The following ABCA1 variants were observed in gnomAD, a reference collection of about 807,000 sequenced individuals.
The protein encoded by ABCA1 is ATP binding cassette subfamily A member 1.
A neutral mutation model predicts 262.5 loss-of-function variants in ABCA1; 133 were observed. That is an observed-to-expected ratio of 0.51 (90% CI 0.44 to 0.59). ABCA1 has a LOEUF of 0.59. Ranked by LOEUF, ABCA1 falls within the 20% of genes least tolerant of loss-of-function variation. The probability of loss-of-function intolerance (pLI) is 0.00; values close to 1 mark genes in which losing one functional copy is unlikely to be tolerated. For synonymous variants in ABCA1, 1,022 were observed against 1,043.5 expected (o/e 0.98, Z 0.40); for missense variants, 2,452 against 2,777.5 (o/e 0.88, Z 2.63).
intron 5 of ABCA1, among the ~76,000 whole-genome samples, chr9:104,862,649 CGGGCCGGGCCG>C (rs1836587023): frequency 8.6e-5 from 1 of 11,694 alleles, no homozygotes; most frequent in Non-Finnish European, 1.8e-4. Context: ...CGGGCCGGGC[CGGGCCGGGCCG>C]GGCCGGGCCG....
chr9:104,879,652 T>G (rs1838455384), intron 5 of ABCA1, among the ~76,000 whole-genome samples: 1 of 152,220 alleles, frequency 6.6e-6, no homozygotes, highest in South Asian at 2.1e-4. Context: ...AACTTGCAAT[T>G]CTGCCTATTT....
rs1836625778 is a variant in ABCA1, at chr9:104,862,659, C to CAGGGCA, written c.422-860_422-859insTGCCCT. ...CGGGCCGGGCCGGGCCGGGCCGGGC[C>CAGGGCA]GGGCCGGGCCGGGCCGGGCCGGGCC... On this transcript the variant is annotated intron_variant, in intron 5 of 49. Transcript: ENST00000374736. Among the ~76,000 whole-genome samples the CAGGGCA allele has an allele frequency of 5.2e-3, 51 of 9,848 alleles. 12 individuals are homozygous for CAGGGCA. Among genetic ancestry groups the CAGGGCA allele is most frequent in the African/African-American group, 0.014 (46 of 3,218 alleles). The allele number at this position is 9,848 out of a possible 152,430, so 6.5% of individuals were successfully genotyped here.
At chr9:104,818,965 A>G in intron 22 of ABCA1, 82 bp from the exon 23 acceptor site, 2 of 1,328,750 alleles carry the variant, frequency 1.5e-6, no homozygotes, top group South Asian at 1.3e-5. Context: ...CTAGAGAGAT[A>G]TTAGCAGGGG....
intron 26 of ABCA1, 98 bp from the exon 27 acceptor site, chr9:104,814,329 A>G (rs1459212863): frequency 6.4e-7 from 1 of 1,558,302 alleles, no homozygotes; most frequent in Non-Finnish European, 8.8e-7. Context: ...ATGAGAATGC[A>G]ATAGAACAAT....
intron 27 of ABCA1, 27 bp downstream of exon 27, chr9:104,814,091 A>G: frequency 6.3e-7 from 1 of 1,583,456 alleles, no homozygotes; most frequent in Non-Finnish European, 8.7e-7. Flanking sequence ...AAACAGTAGG[A>G]CACTGTTTGA....
At chr9:104,923,979 T>C (rs1387217950) in intron 1 of ABCA1, among the ~76,000 whole-genome samples, 1 of 152,126 alleles carries the variant, frequency 6.6e-6, no homozygotes, top group East Asian at 1.9e-4. Flanking sequence ...GAGGCTGAGG[T>C]TGCAGTGAGC....
At chr9:104,890,590 C>CAA (rs775053779) in intron 2 of ABCA1, among the ~76,000 whole-genome samples, 3 of 138,756 alleles carry the variant, frequency 2.2e-5, no homozygotes, top group African/African-American at 7.9e-5. Context: ...CAAAAACAAA[C>CAA]AAAAAAAAAA....
At chr9:104,816,398 G>A in intron 24 of ABCA1, 53 bp from the exon 25 acceptor site, 3 of 1,570,144 alleles carry the variant, frequency 1.9e-6, no homozygotes, top group Non-Finnish European at 2.6e-6. Flanking sequence ...GGGCTTCGGA[G>A]TGAGGGCTGG....
At chr9:104,788,742 C>G (rs1829148900) in intron 44 of ABCA1, among the ~76,000 whole-genome samples, 175 bp from the exon 45 acceptor site, 1 of 152,208 alleles carries the variant, frequency 6.6e-6, no homozygotes, top group Non-Finnish European at 1.5e-5. Context: ...TCCTGGCAGG[C>G]AGGGTTCCTG....
intron 39 of ABCA1, among the ~76,000 whole-genome samples, chr9:104,795,774 T>C (rs894691499): frequency 1.3e-5 from 2 of 151,740 alleles, no homozygotes; most frequent in Non-Finnish European, 2.9e-5. Flanking sequence ...ATGTGTAAAG[T>C]GGAAGGCAGA....
intron 7 of ABCA1, among the ~76,000 whole-genome samples, chr9:104,857,257 C>T (rs866682457): frequency 2.0e-5 from 3 of 151,880 alleles, no homozygotes; most frequent in Middle Eastern, 3.4e-3. Flanking sequence ...GAGTCGAGAT[C>T]GCGCCACTGC....
intron 20 of ABCA1, among the ~76,000 whole-genome samples, chr9:104,820,750 A>G (rs1303398592): frequency 2.7e-5 from 4 of 148,154 alleles, no homozygotes; most frequent in Middle Eastern, 3.4e-3. Flanking sequence ...CCAGGCCTCA[A>G]TAAGGAGGGT....
At position 104,782,933 on chromosome 9, in the gene ABCA1, C is replaced by T. The variant is rs956247735; in HGVS notation, c.*1382G>A. On this transcript the variant is annotated 3_prime_UTR_variant, in exon 50 of 50. Coordinates refer to ENST00000374736, the MANE Select transcript of ABCA1 (RefSeq NM_005502.4). ...CAACCTATATTTGTAAACCAGTGAG[C>T]TGAATAACATGGCACAGGAAGTGTA... 1.3e-5 allele frequency: 2 copies of T among 152,012 alleles called. No homozygotes were observed. The highest frequency in any genetic ancestry group is 4.9e-5 in the African/African-American group (2 of 41,212). 9.4% of individuals were successfully genotyped at this position (152,012 alleles called of 1,614,324 possible). A position where few individuals can be genotyped will look rare whatever the true frequency, so the allele number is the denominator to read the frequency against.
chr9:104,896,780 G>T (rs1307970890), intron 2 of ABCA1, among the ~76,000 whole-genome samples: 2 of 122,684 alleles, frequency 1.6e-5, no homozygotes, highest in South Asian at 2.8e-4. Flanking sequence ...GCCCAGGCTG[G>T]AGTACAGTAG....
rs753160126 is a variant in ABCA1, at chr9:104,796,431, G to A, written c.5122-7C>T. Reference sequence around the variant, plus strand: ...CAGGGACAACGTAATTGCACTAAAAGTGAAAACAAAGACATCCAGTTCACC... The same window carrying A: ...CAGGGACAACGTAATTGCACTAAAAATGAAAACAAAGACATCCAGTTCACC... On this transcript the variant is annotated splice_polypyrimidine_tract_variant and splice_region_variant and intron_variant, in intron 37 of 49. Coordinates refer to ENST00000374736, the MANE Select transcript of ABCA1 (RefSeq NM_005502.4). The A allele has an allele frequency of 6.2e-7, 1 of 1,610,292 alleles. No homozygotes were observed. Among genetic ancestry groups the A allele is most frequent in the Non-Finnish European group, 8.5e-7 (1 of 1,177,134 alleles).
chr9:104,877,741 G>A (rs1838275691), intron 5 of ABCA1, among the ~76,000 whole-genome samples: 1 of 152,116 alleles, frequency 6.6e-6, no homozygotes, highest in African/African-American at 2.4e-5. Flanking sequence ...GTAAACTCTG[G>A]GCCAGAAAGA....
chr9:104,896,733 T>A (rs550849003), intron 2 of ABCA1, among the ~76,000 whole-genome samples: 34 of 124,434 alleles, frequency 2.7e-4, no homozygotes, highest in African/African-American at 1.1e-3. Context: ...TTTTTTTTTT[T>A]TTTTTTTTTT....
chr9:104,794,537 G>T, intron 39 of ABCA1, 27 bp from the exon 40 acceptor site: 1 of 1,554,802 alleles, frequency 6.4e-7, no homozygotes, highest in South Asian at 1.1e-5. Context: ...AAAATGGGAG[G>T]GAAGGGAGGG....
Position 104,903,704 on chromosome 9 carries a change from G to A in ABCA1, c.-25C>T, listed in dbSNP as rs774301766. On this transcript the variant is annotated 5_prime_UTR_variant, in exon 2 of 50. It adds an upstream start codon to the 5' untranslated region. Coordinates refer to ENST00000374736, the MANE Select transcript of ABCA1 (RefSeq NM_005502.4). ...TGTTCCCTCAGCCAGCACCCCCAGC[G>A]TGTGGCTCGGGAGCCCTGGAAGGCA... is the stretch of plus-strand genomic sequence containing the variant. 21 of 1,565,640 alleles carry A rather than the reference G, an allele frequency of 1.3e-5. No homozygotes were observed. Among genetic ancestry groups the A allele is most frequent in the Middle Eastern group, 1.7e-4 (1 of 6,008 alleles).
Sources: allele counts gnomAD v4.1 joint callset (sites outside exome capture counted in the v4.1 genomes callset), GRCh38; gene constraint gnomAD v4.1.1; transcripts MANE v1.5; gene names NCBI Gene and HGNC (gene_info 2026-07-23, HGNC 2026-07-21).